The following DPYSL3 variants were observed in gnomAD, a reference collection of about 807,000 sequenced individuals.
The protein encoded by DPYSL3 is dihydropyrimidinase like 3.
A neutral mutation model predicts 66.1 loss-of-function variants in DPYSL3; 16 were observed. That is an observed-to-expected ratio of 0.24 (90% CI 0.16 to 0.37). The LOEUF (loss-of-function observed/expected upper bound fraction) is 0.37. Among genes scored for constraint, DPYSL3 ranks in the 10% least tolerant of loss-of-function variants. The pLI is 1.00. For missense variants in DPYSL3, 738 were observed against 916.2 expected (o/e 0.81, Z 2.51); for synonymous variants, 338 against 345.1 (o/e 0.98, Z 0.23).
intron 9 of DPYSL3, 125 bp from the exon 10 acceptor site, chr5:147,400,958 C>A: frequency 8.0e-7 from 1 of 1,251,820 alleles, no homozygotes. Flanking sequence ...GCCTCCTCTA[C>A]CTCTTACTAG....
At chr5:147,467,757 G>T (rs943351063) in intron 1 of DPYSL3, among the ~76,000 whole-genome samples, 4 of 152,144 alleles carry the variant, frequency 2.6e-5, no homozygotes, top group Non-Finnish European at 4.4e-5. Flanking sequence ...GTCCATTCCT[G>T]CTGCTATAAC....
intron 10 of DPYSL3, 31 bp from the exon 11 acceptor site, chr5:147,399,283 C>T: frequency 1.2e-6 from 2 of 1,605,016 alleles, no homozygotes; most frequent in Middle Eastern, 1.7e-4. Context: ...ATATCTATAT[C>T]TATAGCTACA....
chr5:147,402,549 G>T (rs1310844260), intron 8 of DPYSL3, among the ~76,000 whole-genome samples: 1 of 139,574 alleles, frequency 7.2e-6, no homozygotes, highest in Non-Finnish European at 1.5e-5. Context: ...GGGTTTCACC[G>T]TGTTAGCCAG....
At chr5:147,443,708 T>C (rs996768482) in intron 1 of DPYSL3, among the ~76,000 whole-genome samples, 1 of 151,982 alleles carries the variant, frequency 6.6e-6, no homozygotes, top group Non-Finnish European at 1.5e-5. Flanking sequence ...ACTTAAGATA[T>C]ATTTAAGAGA....
At chr5:147,465,633 C>T (rs955862633) in intron 1 of DPYSL3, among the ~76,000 whole-genome samples, 1 of 152,084 alleles carries the variant, frequency 6.6e-6, no homozygotes. Context: ...TTTATTACCC[C>T]GGGTGCTCTC....
chr5:147,439,857 T>C (rs1752499076), intron 1 of DPYSL3, among the ~76,000 whole-genome samples: 1 of 152,224 alleles, frequency 6.6e-6, no homozygotes, highest in Non-Finnish European at 1.5e-5. Context: ...TGTCCACCTC[T>C]TACCTTGACT....
chr5:147,436,160 C>T (rs1752411826), intron 1 of DPYSL3, among the ~76,000 whole-genome samples: 1 of 152,198 alleles, frequency 6.6e-6, no homozygotes, highest in Non-Finnish European at 1.5e-5. Flanking sequence ...AACTAAGGCA[C>T]ACCATACACG....
rs1757778013 is a variant in DPYSL3, at chr5:147,390,846, T to G, written c.*3189A>C. ...AGTTATTTTAATAACCAGGTTTACATTAACAGTCACGTGATGAACTTTTTT... is the reference window on the plus strand; with the variant it reads ...AGTTATTTTAATAACCAGGTTTACAGTAACAGTCACGTGATGAACTTTTTT... On this transcript the variant is annotated 3_prime_UTR_variant, in exon 14 of 14. Coordinates refer to ENST00000343218, the MANE Select transcript of DPYSL3 (RefSeq NM_001197294.2). 6.6e-6 allele frequency: 1 copy of G among 152,650 alleles called. No homozygotes were observed. Among genetic ancestry groups the G allele is most frequent in the Admixed American group, 6.5e-5 (1 of 15,286 alleles). The allele number at this position is 152,650 out of a possible 1,614,324, so 9.5% of individuals were successfully genotyped here. A position where few individuals can be genotyped will look rare whatever the true frequency, so the allele number is the denominator to read the frequency against.
intron 1 of DPYSL3, among the ~76,000 whole-genome samples, chr5:147,449,529 T>C (rs911292742): frequency 6.6e-6 from 1 of 152,238 alleles, no homozygotes; most frequent in Non-Finnish European, 1.5e-5. Flanking sequence ...TGGAGCTGTT[T>C]CCACAACTTT....
chr5:147,397,740 G>A lies in DPYSL3; in HGVS notation c.1729C>T (p.Gln577Ter). 6.2e-7 allele frequency: 1 copy of A among 1,614,134 alleles called. No homozygotes were observed. The highest frequency in any genetic ancestry group is 8.5e-7 in the Non-Finnish European group (1 of 1,180,034). The change falls in exon 12 of 14, where the codon CAG (glutamine) becomes TAG (stop). Residue 577 changes from glutamine to a stop codon, truncating the protein, a stop_gained. Transcript: ENST00000343218. LOFTEE classifies it high-confidence loss of function. The part of the protein sequence containing the change: ...MLEDGNLHVT[Q>*]GAGRFIPCSP... ...CAGGGTATGAAGCGGCCAGCCCCCT[G>A]GGTCACGTGCAGGTTGCCATCTTCC... is the stretch of plus-strand genomic sequence containing the variant.
At chr5:147,498,290 A>G (rs949387183) in intron 1 of DPYSL3, among the ~76,000 whole-genome samples, 3 of 152,146 alleles carry the variant, frequency 2.0e-5, no homozygotes, top group Non-Finnish European at 4.4e-5. Flanking sequence ...ATGGCTGCAT[A>G]GTATTCCATG....
chr5:147,415,938 C>T, intron 3 of DPYSL3, 65 bp from the exon 4 acceptor site: 1 of 1,543,616 alleles, frequency 6.5e-7, no homozygotes, highest in Non-Finnish European at 8.8e-7. Flanking sequence ...CTGCCCAGGC[C>T]TGCTCCTGCT....
At chr5:147,412,275 G>A (rs941493637) in intron 6 of DPYSL3, among the ~76,000 whole-genome samples, 1 of 152,194 alleles carries the variant, frequency 6.6e-6, no homozygotes, top group African/African-American at 2.4e-5. Flanking sequence ...AGAATGTCTT[G>A]TAGCTTTGAC....
chr5:147,394,195 G>T, intron 13 of DPYSL3, 72 bp from the exon 14 acceptor site: 1 of 1,493,898 alleles, frequency 6.7e-7, no homozygotes, highest in Non-Finnish European at 9.3e-7. Flanking sequence ...GGGCAAGAGA[G>T]AAACTGGGTT....
intron 7 of DPYSL3, 31 bp from the exon 8 acceptor site, chr5:147,405,761 A>T (rs1183186611): frequency 6.3e-7 from 1 of 1,595,548 alleles, no homozygotes; most frequent in South Asian, 1.1e-5. Context: ...GAGTCAATAG[A>T]AACATGAACC....
chr5:147,491,714 TACG>T (rs547380401), intron 1 of DPYSL3, among the ~76,000 whole-genome samples: 131 of 150,706 alleles, frequency 8.7e-4, no homozygotes, highest in African/African-American at 3.1e-3. Context: ...AGCTTGAGGA[TACG>T]ACAATAGAAA....
At position 147,509,468 on chromosome 5, in the gene DPYSL3, G is replaced by C. The variant is rs1561809841; in HGVS notation, c.381+10C>G. ...AAGGCAAGGAGGGAAGTGACCCGGGGCCCCCTTACCTTGTCCTTGGGGCCG... is the reference window on the plus strand; with the variant it reads ...AAGGCAAGGAGGGAAGTGACCCGGGCCCCCCTTACCTTGTCCTTGGGGCCG... On this transcript the variant is annotated intron_variant, in intron 1 of 13. Coordinates refer to ENST00000343218, the MANE Select transcript of DPYSL3 (RefSeq NM_001197294.2). This position sits in a 1 kb window ranked among gnomAD's most constrained non-coding sequence, Gnocchi z 5.3. 2 of 1,496,352 alleles carry C rather than the reference G, an allele frequency of 1.3e-6. No individual in the cohort carries two copies. Among genetic ancestry groups the C allele is most frequent in the Admixed American group, 2.2e-5 (1 of 46,376 alleles). The allele number at this position is 1,496,352 out of a possible 1,614,324, so 92.7% of individuals were successfully genotyped here.
chr5:147,415,033 G>A (rs569570670), intron 4 of DPYSL3, among the ~76,000 whole-genome samples: 16 of 152,246 alleles, frequency 1.1e-4, no homozygotes, highest in African/African-American at 3.6e-4. Context: ...ATGTGGGGGG[G>A]AGGGGTTTGC....
At chr5:147,419,713 T>A (rs1442013046) in intron 2 of DPYSL3, among the ~76,000 whole-genome samples, 1 of 152,186 alleles carries the variant, frequency 6.6e-6, no homozygotes, top group Non-Finnish European at 1.5e-5. Flanking sequence ...AGTCTACCAC[T>A]GGCCTCTCAA....
Sources: gnomAD v4.1 joint callset for allele counts (sites outside exome capture counted in the v4.1 genomes callset) on GRCh38, gnomAD v4.1.1 for gene constraint, Gnocchi (gnomAD v3.1) non-coding constraint, MANE v1.5 for transcripts, NCBI Gene and HGNC (gene_info 2026-07-23, HGNC 2026-07-21) for gene names.